The following PCDHGB3 variants were observed in gnomAD, a reference collection of about 807,000 sequenced individuals.
PCDHGB3 encodes the protein protocadherin gamma-B3.
Under a neutral mutation model 59.2 loss-of-function variants are expected in PCDHGB3, and 40 were observed. The observed-to-expected ratio is 0.68, with a 90% CI of 0.52 to 0.88. The LOEUF is 0.88. Among genes scored for constraint, PCDHGB3 ranks in the 40% least tolerant of loss-of-function variants. The pLI is 0.00. For synonymous variants in PCDHGB3, 581 were observed against 503.6 expected (o/e 1.15, Z -2.06); for missense variants, 1,309 against 1,187.9 (o/e 1.10, Z -1.50).
At position 141,505,406 on chromosome 5, in the gene PCDHGB3, G is replaced by A. The variant is rs546453598; in HGVS notation, c.2488G>A (p.Asp830Asn). 61 of 1,614,174 alleles carry A rather than the reference G, an allele frequency of 3.8e-5. No individual in the cohort carries two copies. The highest frequency in any genetic ancestry group is 1.1e-4 in the East Asian group (5 of 44,866). ...RPGTSGSQNG[D>N]DTGTWPNNQF... Reference sequence around the variant, plus strand: ...CTCTCTCCCCAGCTCCCAAAATGGCGATGACACCGGCACCTGGCCCAACAA... The same window carrying A: ...CTCTCTCCCCAGCTCCCAAAATGGCAATGACACCGGCACCTGGCCCAACAA... Residue 830 changes from aspartate to asparagine, a missense_variant, in exon 3 of 4, where the codon GAT (aspartate) becomes AAT (asparagine). Transcript: ENST00000576222.
intron 2 of PCDHGB3, among the ~76,000 whole-genome samples, chr5:141,503,361 C>T (rs1021880248): frequency 6.6e-6 from 1 of 151,886 alleles, no homozygotes; most frequent in Non-Finnish European, 1.5e-5. Context: ...CTTTGGGAAG[C>T]GGAGGCAGGT....
chr5:141,423,071 C>T, intron 1 of PCDHGB3: 2 of 1,614,120 alleles, frequency 1.2e-6, no homozygotes, highest in South Asian at 1.1e-5. Flanking sequence ...GCCAGCGAGC[C>T]GGGACTCTTC....
chr5:141,477,656 C>A lies in PCDHGB3; in HGVS notation c.2416-17151C>A. ...AGTGGGTCGCTATTTCACAATAAAT[C>A]GTGACAATGGCATAGTGTCATCCTT... On this transcript the variant is annotated intron_variant, in intron 1 of 3. Transcript: ENST00000576222. The surrounding 1 kb of genome is among the most constrained non-coding windows in gnomAD (Gnocchi z 4.9). 1 of 1,614,184 alleles carries A rather than the reference C, an allele frequency of 6.2e-7. No homozygotes were observed.
chr5:141,430,657 A>G (rs2097300740), intron 1 of PCDHGB3: 1 of 1,093,240 alleles, frequency 9.1e-7, no homozygotes, highest in African/African-American at 1.6e-5. Flanking sequence ...GAAACAACGG[A>G]GGAGCTCTGA....
intron 1 of PCDHGB3, chr5:141,391,245 G>A (rs1324945676): frequency 6.6e-6 from 1 of 151,892 alleles, no homozygotes; most frequent in African/African-American, 2.4e-5. Flanking sequence ...GTATATCTAA[G>A]CAACTGCTTC....
chr5:141,372,617 C>A lies in PCDHGB3; in HGVS notation c.2223C>A (p.Pro741=). 6.2e-7 allele frequency: 1 copy of A among 1,614,010 alleles called. No individual in the cohort carries two copies. Among genetic ancestry groups the A allele is most frequent in the South Asian group, 1.1e-5 (1 of 91,084 alleles). The change falls in exon 1 of 4, where the codon CCC becomes CCA. Residue 741 remains proline (P), a synonymous_variant. Transcript: ENST00000576222. The part of the protein sequence containing the change: ...VCFKTVPGVL[P]TYSERTLPYS... ...TCAAGACTGTACCTGGAGTTCTCCCCACCTACAGCGAAAGGACTTTGCCTT... is the reference window on the plus strand; with the variant it reads ...TCAAGACTGTACCTGGAGTTCTCCCAACCTACAGCGAAAGGACTTTGCCTT...
intron 1 of PCDHGB3, chr5:141,421,504 C>A (rs757410882): frequency 1.2e-6 from 2 of 1,614,062 alleles, no homozygotes; most frequent in Admixed American, 1.7e-5. Context: ...CAGGATAGAC[C>A]GGGAGGAGCT....
intron 1 of PCDHGB3, chr5:141,392,542 A>T: frequency 3.1e-6 from 1 of 323,438 alleles, no homozygotes; most frequent in South Asian, 1.2e-4. Flanking sequence ...ATTTAGAAGT[A>T]ATCTGTATCT....
At chr5:141,409,075 G>A (rs1416534881) in intron 1 of PCDHGB3, 2 of 1,613,904 alleles carry the variant, frequency 1.2e-6, no homozygotes, top group East Asian at 2.2e-5. Flanking sequence ...CAAAACATAT[G>A]TTCTCATTGG....
rs201391904 is a variant in PCDHGB3, at chr5:141,494,843, G to A, written c.2452G>A (p.Ala818Thr). Residue 818 changes from alanine to threonine, a missense_variant, in exon 2 of 4, where the codon GCC becomes ACC. Transcript: ENST00000576222. ...PPNTDWRFSQ[A>T]QRPGTSGSQN... is the part of the protein sequence containing the mutation. ...CAACACGGACTGGCGTTTCTCTCAG[G>A]CCCAGAGACCCGGCACCAGCGGGTA... 1.9e-6 allele frequency: 3 copies of A among 1,614,088 alleles called. No homozygotes were observed. Among genetic ancestry groups the A allele is most frequent in the Admixed American group, 3.3e-5 (2 of 60,008 alleles).
chr5:141,451,205 C>G (rs1023049434), intron 1 of PCDHGB3, among the ~76,000 whole-genome samples: 2 of 152,142 alleles, frequency 1.3e-5, no homozygotes, highest in African/African-American at 4.8e-5. Flanking sequence ...TATCCCAAAA[C>G]TTAGTGGCTT....
At chr5:141,507,842 C>CT (rs2099864170) in intron 3 of PCDHGB3, among the ~76,000 whole-genome samples, 1 of 152,230 alleles carries the variant, frequency 6.6e-6, no homozygotes, top group Admixed American at 6.5e-5. Flanking sequence ...GGGTCAGGCC[C>CT]TGCTCTCACT....
At chr5:141,495,073 C>T (rs1464039604) in intron 2 of PCDHGB3, among the ~76,000 whole-genome samples, 1 of 152,186 alleles carries the variant, frequency 6.6e-6, no homozygotes, top group Non-Finnish European at 1.5e-5. Flanking sequence ...GCTCAATTCA[C>T]ATGCTTGCCC....
chr5:141,382,081 G>A (rs933434638), intron 1 of PCDHGB3, among the ~76,000 whole-genome samples: 12 of 151,852 alleles, frequency 7.9e-5, no homozygotes, highest in Non-Finnish European at 1.6e-4. Context: ...CGCCCGCCTC[G>A]GCCTCACAAA....
At chr5:141,462,813 TTGG>T (rs1474162732) in intron 1 of PCDHGB3, among the ~76,000 whole-genome samples, 1 of 152,198 alleles carries the variant, frequency 6.6e-6, no homozygotes, top group African/African-American at 2.4e-5. Flanking sequence ...AATGTTTTTA[TTGG>T]ACAGCAGACA....
chr5:141,389,610 G>T (rs1488136363), intron 1 of PCDHGB3: 1 of 1,613,000 alleles, frequency 6.2e-7, no homozygotes, highest in Admixed American at 1.7e-5. Context: ...CTTCGATATG[G>T]TGCCGCACGC....
intron 1 of PCDHGB3, among the ~76,000 whole-genome samples, chr5:141,429,377 G>GTT (rs566693637): frequency 2.2e-4 from 33 of 149,524 alleles, no homozygotes; most frequent in South Asian, 1.5e-3. Context: ...GAGAAAATGT[G>GTT]TTTTTTTTTT....
intron 1 of PCDHGB3, chr5:141,414,187 T>A: frequency 6.2e-7 from 1 of 1,609,834 alleles, no homozygotes; most frequent in South Asian, 1.1e-5. Flanking sequence ...TGCAAAAGTG[T>A]TGATTACAGT....
chr5:141,414,981 C>G (rs766434004), intron 1 of PCDHGB3: 12 of 1,613,722 alleles, frequency 7.4e-6, no homozygotes, highest in East Asian at 6.7e-5. Flanking sequence ...ACAGAGACTC[C>G]GGCCAGAACG....
Sources: gnomAD v4.1 joint callset for allele counts (sites outside exome capture counted in the v4.1 genomes callset) on GRCh38, gnomAD v4.1.1 for gene constraint, Gnocchi (gnomAD v3.1) non-coding constraint, MANE v1.5 for transcripts, NCBI Gene and HGNC (gene_info 2026-07-23, HGNC 2026-07-21) for gene names.